Variants in RBFOX1 observed in about 807,000 individuals in gnomAD.
RBFOX1 encodes RNA binding fox-1 homolog 1.
Under a neutral mutation model 57.7 loss-of-function variants are expected in RBFOX1, and 8 were observed. The ratio of observed to expected loss-of-function variants is 0.14; its 90% CI spans 0.08 to 0.25. The LOEUF is 0.25. Ranked by LOEUF, RBFOX1 falls within the 10% of genes least tolerant of loss-of-function variation. The pLI is 1.00. For missense variants in RBFOX1, 611 were observed against 548.5 expected (o/e 1.11, Z -1.14); for synonymous variants, 326 against 222.4 (o/e 1.47, Z -4.15).
intron 3 of RBFOX1, among the ~76,000 whole-genome samples, chr16:5,845,808 G>T (rs2056742085): frequency 6.6e-6 from 1 of 152,132 alleles, no homozygotes; most frequent in South Asian, 2.1e-4. Flanking sequence ...TCGCAGAGAG[G>T]TCCCTCAGAC....
At chr16:6,687,765 C>G (rs2154129470) in intron 3 of RBFOX1, among the ~76,000 whole-genome samples, 1 of 152,232 alleles carries the variant, frequency 6.6e-6, no homozygotes, top group East Asian at 1.9e-4. Flanking sequence ...TAGGTCAGCC[C>G]AGAGTGGTCA....
At chr16:7,256,616 C>G (rs1230842616) in intron 4 of RBFOX1, among the ~76,000 whole-genome samples, 2 of 152,088 alleles carry the variant, frequency 1.3e-5, no homozygotes, top group African/African-American at 2.4e-5. Flanking sequence ...TGGATGGCCA[C>G]AAACCAAAGT....
chr16:5,614,669 C>G (rs1027514702), intron 3 of RBFOX1, among the ~76,000 whole-genome samples: 6 of 152,112 alleles, frequency 3.9e-5, no homozygotes, highest in Admixed American at 1.3e-4. Flanking sequence ...CAGTTGTCAA[C>G]ATTCCACCCC....
intron 3 of RBFOX1, among the ~76,000 whole-genome samples, chr16:6,690,697 C>T (rs1032031809): frequency 1.3e-5 from 2 of 150,934 alleles, no homozygotes; most frequent in Non-Finnish European, 3.0e-5. Context: ...TGGGTTGAAT[C>T]AAAAACAATA....
At chr16:5,351,631 A>G (rs1330164441) in intron 1 of RBFOX1, among the ~76,000 whole-genome samples, 1 of 152,202 alleles carries the variant, frequency 6.6e-6, no homozygotes, top group African/African-American at 2.4e-5. Context: ...ACCGCATGCA[A>G]TGTACTCAAT....
intron 2 of RBFOX1, among the ~76,000 whole-genome samples, chr16:5,480,000 C>T (rs1014916223): frequency 6.6e-6 from 1 of 152,072 alleles, no homozygotes; most frequent in Admixed American, 6.5e-5. Flanking sequence ...TGGCCTTCCT[C>T]CTTGCCTACA....
intron 1 of RBFOX1, among the ~76,000 whole-genome samples, chr16:5,354,092 C>T (rs1203203002): frequency 6.6e-6 from 1 of 152,164 alleles, no homozygotes; most frequent in East Asian, 1.9e-4. Context: ...GGCCCCTTAC[C>T]TGTGAGAGTT....
chr16:6,882,404 G>A (rs1484372178), intron 3 of RBFOX1, among the ~76,000 whole-genome samples: 1 of 152,000 alleles, frequency 6.6e-6, no homozygotes, highest in African/African-American at 2.4e-5. Flanking sequence ...TTCCCAGCCT[G>A]GCCAACATGA....
At chr16:5,933,231 A>C (rs1424462393) in intron 4 of RBFOX1, among the ~76,000 whole-genome samples, 1 of 152,210 alleles carries the variant, frequency 6.6e-6, no homozygotes, top group Admixed American at 6.5e-5. Context: ...TTCATTAATA[A>C]AGATTGTTGC....
At chr16:7,319,657 G>C (rs971517652) in intron 4 of RBFOX1, among the ~76,000 whole-genome samples, 3 of 152,156 alleles carry the variant, frequency 2.0e-5, no homozygotes, top group African/African-American at 7.2e-5. Context: ...GTGGGCACCT[G>C]AGTGTTGGTG....
At chr16:5,374,890 T>C (rs1324604319) in intron 1 of RBFOX1, among the ~76,000 whole-genome samples, 2 of 152,020 alleles carry the variant, frequency 1.3e-5, no homozygotes, top group Admixed American at 6.6e-5. Flanking sequence ...CTGTATAATA[T>C]ACTCAGTTTT....
At chr16:6,775,837 A>G (rs2079233006) in intron 3 of RBFOX1, 1 of 152,198 alleles carries the variant, frequency 6.6e-6, no homozygotes, top group Admixed American at 6.5e-5. Context: ...TCTTATGAAA[A>G]TCAGTTATTG....
At chr16:5,668,976 G>C (rs1479882286) in intron 3 of RBFOX1, among the ~76,000 whole-genome samples, 2 of 152,148 alleles carry the variant, frequency 1.3e-5, no homozygotes, top group Non-Finnish European at 2.9e-5. Context: ...TAGTATTCAT[G>C]ATACATTACA....
intron 10 of RBFOX1, among the ~76,000 whole-genome samples, chr16:7,608,669 GC>G (rs943695711): frequency 6.6e-6 from 1 of 152,148 alleles, no homozygotes; most frequent in African/African-American, 2.4e-5. Flanking sequence ...GTGACTCTGG[GC>G]AAGTTACTTA....
chr16:7,142,408 C>T (rs1361160282), intron 4 of RBFOX1, among the ~76,000 whole-genome samples: 3 of 152,112 alleles, frequency 2.0e-5, no homozygotes, highest in Non-Finnish European at 2.9e-5. Context: ...TTGTTGATGT[C>T]ATTTCGTGTC....
At chr16:5,756,517 C>G (rs377711942) in intron 3 of RBFOX1, among the ~76,000 whole-genome samples, 1 of 152,168 alleles carries the variant, frequency 6.6e-6, no homozygotes. Context: ...CAGGCCTTGT[C>G]TCACATCCAG....
chr16:7,142,627 C>T (rs976963948), intron 4 of RBFOX1, among the ~76,000 whole-genome samples: 1 of 152,156 alleles, frequency 6.6e-6, no homozygotes, highest in African/African-American at 2.4e-5. Flanking sequence ...TCTGGACTGT[C>T]AATCAGAGCA....
chr16:7,015,841 C>G (rs946901228), intron 3 of RBFOX1, among the ~76,000 whole-genome samples: 1 of 151,558 alleles, frequency 6.6e-6, no homozygotes, highest in Admixed American at 6.6e-5. Flanking sequence ...CCACAATAAG[C>G]AATTGTGAAA....
chr16:5,501,334 A>G (rs1480867760), intron 2 of RBFOX1, among the ~76,000 whole-genome samples: 2 of 151,440 alleles, frequency 1.3e-5, no homozygotes, highest in Non-Finnish European at 2.9e-5. Flanking sequence ...AAAAAAAAAA[A>G]AAAAAAAGAA....
Sources: allele counts gnomAD v4.1 joint callset (sites outside exome capture counted in the v4.1 genomes callset), GRCh38; gene constraint gnomAD v4.1.1; transcripts MANE v1.5; gene names NCBI Gene and HGNC (gene_info 2026-07-23, HGNC 2026-07-21).